SMG1: variants seen among roughly 807,000 people sequenced by gnomAD.
SMG1 encodes the protein SMG1 nonsense mediated mRNA decay associated PI3K related kinase, also known as serine/threonine-protein kinase SMG1.
In SMG1, 22 loss-of-function variants were observed where a neutral mutation model predicts 419.9. The observed-to-expected ratio is 0.05, with a 90% CI of 0.04 to 0.07. The LOEUF (loss-of-function observed/expected upper bound fraction) is 0.07. Among genes scored for constraint, SMG1 ranks in the 10% least tolerant of loss-of-function variants. SMG1 has a pLI of 1.00. For missense variants in SMG1, 3,185 were observed against 4,342.0 expected, an observed-to-expected ratio of 0.73 and a Z score of 7.49; for synonymous variants, 1,538 against 1,553.5, an observed-to-expected ratio of 0.99 and a Z score of 0.23.
rs769540873 is a variant in SMG1, at chr16:18,926,024, C to T, written c.18G>A (p.Pro6=). 3.2e-6 allele frequency: 5 copies of T among 1,575,274 alleles called. No homozygotes were observed. The highest frequency in any genetic ancestry group is 4.3e-6 in the Non-Finnish European group (5 of 1,168,708). The part of the protein sequence containing the change: MSRRA[P]GSRLSSGGGG... ...CGCCGCCGCTGCTCAGCCGAGACCCCGGGGCTCTGCGGCTCATTACCTTCC... is the reference window on the plus strand; with the variant it reads ...CGCCGCCGCTGCTCAGCCGAGACCCTGGGGCTCTGCGGCTCATTACCTTCC... Residue 6 remains proline (P), a synonymous_variant, in exon 1 of 63, where the codon CCG becomes CCA. Transcript: ENST00000446231.
At chr16:18,897,612 C>T (rs2037184227) in intron 1 of SMG1, among the ~76,000 whole-genome samples, 1 of 152,074 alleles carries the variant, frequency 6.6e-6, no homozygotes, top group African/African-American at 2.4e-5. Flanking sequence ...AGTTCATAAT[C>T]TATTTAAAAT....
In SMG1 at chr16:18,819,589, A is replaced by G; in HGVS notation, c.9807T>C (p.Pro3269=). ...AATCTTGTAGTACAGGGGCCAATGC[A>G]GGGTTGGCACCACCTGCCCACTTGA... is the stretch of plus-strand genomic sequence containing the variant. The part of the protein sequence containing the change: ...QRLKWAGGAN[P]ALAPVLQDFE... Residue 3269 remains proline, a synonymous_variant, in exon 56 of 63, where the codon CCT becomes CCC. Transcript: ENST00000446231. 6.3e-7 allele frequency: 1 copy of G among 1,597,606 alleles called. No homozygotes were observed. The highest frequency in any genetic ancestry group is 8.5e-7 in the Non-Finnish European group (1 of 1,171,422).
intron 10 of SMG1, among the ~76,000 whole-genome samples, chr16:18,880,032 A>G (rs1257122436): frequency 6.6e-6 from 1 of 152,206 alleles, no homozygotes; most frequent in African/African-American, 2.4e-5. Context: ...CTTTATCATG[A>G]AATACACCAC....
At chr16:18,832,582 G>A (rs533032082) in intron 51 of SMG1, among the ~76,000 whole-genome samples, 50 of 148,398 alleles carry the variant, frequency 3.4e-4, no homozygotes, top group Non-Finnish European at 5.1e-4. Context: ...CTATACACTT[G>A]CACACACACA....
intron 13 of SMG1, 58 bp downstream of exon 13, chr16:18,876,066 T>G: frequency 6.4e-7 from 1 of 1,559,088 alleles, no homozygotes; most frequent in Non-Finnish European, 8.8e-7. Context: ...TACATAAATA[T>G]GTAATGAGAA....
chr16:18,916,282 A>G (rs1264642300), intron 1 of SMG1, among the ~76,000 whole-genome samples: 11 of 151,440 alleles, frequency 7.3e-5, no homozygotes, highest in South Asian at 4.2e-4. Flanking sequence ...TTGGGAGGCC[A>G]AGGTGGGCGG....
At chr16:18,899,839 T>A (rs993891294) in intron 1 of SMG1, 4 of 595,884 alleles carry the variant, frequency 6.7e-6, no homozygotes, top group African/African-American at 3.7e-5. Context: ...CTAGCAATGA[T>A]CCAAAAATAC....
chr16:18,923,403 G>C (rs1366589294), intron 1 of SMG1, among the ~76,000 whole-genome samples: 2 of 152,110 alleles, frequency 1.3e-5, no homozygotes, highest in African/African-American at 4.8e-5. Flanking sequence ...CCAGCACTTC[G>C]GGAGGCCAAA....
At chr16:18,899,063 A>G (rs2037245103) in intron 1 of SMG1, among the ~76,000 whole-genome samples, 2 of 152,220 alleles carry the variant, frequency 1.3e-5, no homozygotes, top group Non-Finnish European at 2.9e-5. Context: ...GTTAAAAGTT[A>G]TTATGACCAT....
intron 1 of SMG1, among the ~76,000 whole-genome samples, chr16:18,917,090 C>A (rs1015514139): frequency 6.6e-6 from 1 of 152,022 alleles, no homozygotes. Context: ...AAATGAGGGG[C>A]TTTTGCTTAT....
chr16:18,819,822 T>G (rs1208311788), intron 55 of SMG1, among the ~76,000 whole-genome samples, 168 bp from the exon 56 acceptor site: 2 of 152,206 alleles, frequency 1.3e-5, no homozygotes, highest in Non-Finnish European at 2.9e-5. Context: ...TTGATTTCAC[T>G]TTGAACATTT....
In SMG1 at chr16:18,871,353, C is replaced by CA. The variant is rs2035810307; in HGVS notation, c.2302+10dup. The stretch of plus-strand genomic sequence containing the variant: ...AACAAAATAGAAAAAAAAAAAAAAA[C>CA]AGAGTCTTACTGTTGGCTAAAAGGC... On this transcript the variant is annotated intron_variant, in intron 16 of 62. Transcript: ENST00000446231. 1 of 941,596 alleles carries CA rather than the reference C, an allele frequency of 1.1e-6. No individual in the cohort carries two copies. The highest frequency in any genetic ancestry group is 3.1e-5 in the East Asian group (1 of 32,702). 58.3% of individuals were successfully genotyped at this position (941,596 alleles called of 1,614,324 possible). A position where few individuals can be genotyped will look rare whatever the true frequency, so the allele number is the denominator to read the frequency against.
chr16:18,899,773 G>T (rs2037275599), intron 1 of SMG1, among the ~76,000 whole-genome samples: 1 of 152,072 alleles, frequency 6.6e-6, no homozygotes, highest in South Asian at 2.1e-4. Flanking sequence ...TCATCTGCCA[G>T]AATTAGTGTC....
rs1364338433 is a variant in SMG1 at position 18,834,214 on chromosome 16, G to A, written c.8555C>T (p.Thr2852Ile). 3 of 1,590,454 alleles carry A rather than the reference G, an allele frequency of 1.9e-6. No homozygotes were observed. Among genetic ancestry groups the A allele is most frequent in the African/African-American group, 2.7e-5 (2 of 74,356 alleles). Reference protein sequence around the residue: ...ETVHLANGVYTSLQELNSNFR... With the variant: ...ETVHLANGVYISLQELNSNFR... Reference sequence around the variant, plus strand: ...AATAAAAGTGTTCACCTGAAGTGAGGTATACACTCCATTGGCTAAGTGAAC... The same window carrying A: ...AATAAAAGTGTTCACCTGAAGTGAGATATACACTCCATTGGCTAAGTGAAC... Residue 2852 changes from threonine to isoleucine, a missense_variant, in exon 50 of 63, where the codon ACC (threonine) becomes ATC (isoleucine). Transcript: ENST00000446231.
Position 18,836,221 on chromosome 16 carries a change from A to G in SMG1, c.7778-9T>C. 2.5e-6 allele frequency: 4 copies of G among 1,610,266 alleles called. No homozygotes were observed. Among genetic ancestry groups the G allele is most frequent in the Non-Finnish European group, 3.4e-6 (4 of 1,177,634 alleles). ...CACGTAACTTGGAGGACCTTTTGGTAAAAGACATTATTAAACACAGTAAAA... is the reference window on the plus strand; with the variant it reads ...CACGTAACTTGGAGGACCTTTTGGTGAAAGACATTATTAAACACAGTAAAA... On this transcript the variant is annotated splice_polypyrimidine_tract_variant and intron_variant, in intron 47 of 62. Transcript: ENST00000446231.
intron 49 of SMG1, 62 bp downstream of exon 49, chr16:18,834,830 T>C: frequency 1.3e-6 from 2 of 1,531,946 alleles, no homozygotes; most frequent in East Asian, 4.5e-5. Context: ...AAAAGAACAT[T>C]TTAGGTTTGG....
At chr16:18,854,952 A>G in intron 29 of SMG1, 48 bp from the exon 30 acceptor site, 1 of 1,561,732 alleles carries the variant, frequency 6.4e-7, no homozygotes, top group African/African-American at 1.4e-5. Flanking sequence ...TCTAAACCAG[A>G]CTGCATGGAA....
chr16:18,856,112 A>G (rs1410503350), intron 29 of SMG1, among the ~76,000 whole-genome samples: 3 of 151,962 alleles, frequency 2.0e-5, no homozygotes, highest in East Asian at 3.9e-4. Context: ...TTACTTCCCC[A>G]CAAGTCTTTT....
At chr16:18,921,290 G>T (rs529777136) in intron 1 of SMG1, among the ~76,000 whole-genome samples, 5 of 152,076 alleles carry the variant, frequency 3.3e-5, no homozygotes, top group African/African-American at 9.7e-5. Context: ...AGGCTGCAGT[G>T]AGCAGTGATT....
Sources: allele counts gnomAD v4.1 joint callset (sites outside exome capture counted in the v4.1 genomes callset), GRCh38; gene constraint gnomAD v4.1.1; transcripts MANE v1.5; gene names NCBI Gene and HGNC (gene_info 2026-07-23, HGNC 2026-07-21).